Variants in RBFOX1 observed in about 807,000 individuals in gnomAD.
RBFOX1 encodes the protein RNA binding fox-1 homolog 1.
RBFOX1 carries 8 observed loss-of-function variants against 57.7 expected under a neutral mutation model. The ratio of observed to expected loss-of-function variants is 0.14; its 90% confidence interval spans 0.08 to 0.25. The LOEUF is 0.25. Among genes scored for constraint, RBFOX1 ranks in the 10% least tolerant of loss-of-function variants. RBFOX1 has a pLI of 1.00. For missense variants in RBFOX1, 611 were observed against 548.5 expected (o/e 1.11, Z -1.14); for synonymous variants, 326 against 222.4 (o/e 1.47, Z -4.15).
chr16:6,697,504 A>G (rs939750171), intron 3 of RBFOX1, among the ~76,000 whole-genome samples: 3 of 152,192 alleles, frequency 2.0e-5, no homozygotes, highest in African/African-American at 4.8e-5. Context: ...ACAGAATCTA[A>G]TATCTCCTTA....
chr16:7,438,180 G>A (rs142342895), intron 4 of RBFOX1, among the ~76,000 whole-genome samples: 4 of 152,152 alleles, frequency 2.6e-5, no homozygotes, highest in Non-Finnish European at 5.9e-5. Flanking sequence ...AATCAGAATG[G>A]TTAATGTTAA....
intron 4 of RBFOX1, among the ~76,000 whole-genome samples, chr16:7,443,637 G>A (rs1225244866): frequency 6.6e-6 from 1 of 152,100 alleles, no homozygotes; most frequent in Admixed American, 6.5e-5. Context: ...GTAAAAAAGT[G>A]CAGCGTATTT....
At chr16:5,318,048 G>A (rs941514278) in intron 1 of RBFOX1, among the ~76,000 whole-genome samples, 1 of 152,188 alleles carries the variant, frequency 6.6e-6, no homozygotes, top group African/African-American at 2.4e-5. Flanking sequence ...CAGCATGGAA[G>A]TGAAAGAGTG....
Position 7,602,929 on chromosome 16 carries a change from G to A in RBFOX1, c.623-4356G>A, listed in dbSNP as rs530346577. Among the ~76,000 whole-genome samples, 274 of 152,234 alleles carry A rather than the reference G, an allele frequency of 1.8e-3. 1 individual carries two copies. The highest frequency in any genetic ancestry group is 6.0e-3 in the African/African-American group (250 of 41,546). ...GAATAAAACTAGAAATGAATAGCAA[G>A]AGGAACTTCAGAAACTGTACAAATA... On this transcript the variant is annotated intron_variant, in intron 9 of 15. Coordinates refer to ENST00000550418, the MANE Select transcript of RBFOX1 (RefSeq NM_018723.4).
At chr16:6,930,290 A>C (rs1364263289) in intron 3 of RBFOX1, among the ~76,000 whole-genome samples, 1 of 152,226 alleles carries the variant, frequency 6.6e-6, no homozygotes, top group African/African-American at 2.4e-5. Context: ...TGTCTCCAAA[A>C]GATATATACA....
At chr16:7,542,391 C>G (rs985138963) in intron 5 of RBFOX1, among the ~76,000 whole-genome samples, 2 of 152,092 alleles carry the variant, frequency 1.3e-5, no homozygotes, top group South Asian at 4.1e-4. Flanking sequence ...TTCTGGATTA[C>G]CCGGGTCTGC....
At chr16:6,479,205 G>A (rs948630849) in intron 2 of RBFOX1, among the ~76,000 whole-genome samples, 1 of 152,176 alleles carries the variant, frequency 6.6e-6, no homozygotes, top group Admixed American at 6.5e-5. Context: ...ATAAAGAAAA[G>A]AAGTTTAATT....
intron 3 of RBFOX1, among the ~76,000 whole-genome samples, chr16:6,675,484 G>A (rs2057477529): frequency 6.6e-6 from 1 of 152,084 alleles, no homozygotes; most frequent in South Asian, 2.1e-4. Context: ...CAAAGCCCTG[G>A]GCTTGGTCAG....
chr16:5,856,185 CTCTATATA>C (rs1485744737), intron 3 of RBFOX1, among the ~76,000 whole-genome samples: 2 of 39,888 alleles, frequency 5.0e-5, no homozygotes, highest in Non-Finnish European at 8.7e-5. Context: ...CTCTCTCTCT[CTCTATATA>C]TATATATATA....
chr16:6,841,881 G>A (rs2093481467), intron 3 of RBFOX1, among the ~76,000 whole-genome samples: 1 of 152,120 alleles, frequency 6.6e-6, no homozygotes, highest in African/African-American at 2.4e-5. Context: ...GCTCACGCCT[G>A]TAATCCTAGC....
intron 3 of RBFOX1, among the ~76,000 whole-genome samples, chr16:6,936,872 T>C (rs2077453029): frequency 1.4e-5 from 2 of 147,980 alleles, no homozygotes; most frequent in South Asian, 4.3e-4. Context: ...CTCTCTGAAA[T>C]TTTTAAGATC....
At position 7,595,644 on chromosome 16, in the gene RBFOX1, G is replaced by T. The variant is rs1349266730; in HGVS notation, c.561+3G>T. 2 of 1,571,812 alleles carry T rather than the reference G, an allele frequency of 1.3e-6. No homozygotes were observed. Among genetic ancestry groups the T allele is most frequent in the Non-Finnish European group, 1.7e-6 (2 of 1,156,556 alleles). The stretch of plus-strand genomic sequence containing the variant: ...TGGTAGAGGGCCGTAAAATCGAGGT[G>T]CATGTTCAAAATATTTTCCTTTTCA... On this transcript the variant is annotated splice_donor_region_variant and intron_variant, in intron 8 of 15. Coordinates refer to ENST00000550418, the MANE Select transcript of RBFOX1 (RefSeq NM_018723.4).
chr16:7,257,437 A>T (rs1159978520), intron 4 of RBFOX1, among the ~76,000 whole-genome samples: 2 of 152,068 alleles, frequency 1.3e-5, no homozygotes, highest in African/African-American at 2.4e-5. Flanking sequence ...ACTGATTGCA[A>T]ACTGAAATAG....
chr16:5,256,072 A>G (rs2062584478), intron 1 of RBFOX1, among the ~76,000 whole-genome samples: 1 of 152,146 alleles, frequency 6.6e-6, no homozygotes, highest in African/African-American at 2.4e-5. Flanking sequence ...AGAACATACG[A>G]AAGACACATA....
intron 14 of RBFOX1, among the ~76,000 whole-genome samples, chr16:7,697,636 C>G (rs138146203): frequency 0.024 from 3,622 of 152,262 alleles, 64 homozygotes; most frequent in Non-Finnish European, 0.039. Context: ...AACATACACT[C>G]AGGTCCAGAA....
chr16:5,667,500 A>C (rs868384359), intron 3 of RBFOX1, among the ~76,000 whole-genome samples: 12 of 152,222 alleles, frequency 7.9e-5, no homozygotes, highest in South Asian at 6.2e-4. Flanking sequence ...GTAGTTTTCT[A>C]GGATTGATGT....
chr16:5,371,305 C>T (rs997783859), intron 1 of RBFOX1, among the ~76,000 whole-genome samples: 1 of 152,186 alleles, frequency 6.6e-6, no homozygotes, highest in Non-Finnish European at 1.5e-5. Flanking sequence ...GAAGGGCCCT[C>T]ATCCAATCTG....
chr16:6,927,710 G>T (rs1465605600), intron 3 of RBFOX1, among the ~76,000 whole-genome samples: 1 of 143,776 alleles, frequency 7.0e-6, no homozygotes, highest in African/African-American at 2.8e-5. Flanking sequence ...GGGCACTGTA[G>T]CAAGGCTGAT....
intron 4 of RBFOX1, among the ~76,000 whole-genome samples, chr16:7,168,569 A>C (rs1174854820): frequency 6.6e-6 from 1 of 152,152 alleles, no homozygotes; most frequent in Non-Finnish European, 1.5e-5. Flanking sequence ...CACAGAAGAA[A>C]GAAGTTAGAA....
Sources: gnomAD v4.1 joint callset for allele counts (sites outside exome capture counted in the v4.1 genomes callset) on GRCh38, gnomAD v4.1.1 for gene constraint, MANE v1.5 for transcripts, NCBI Gene and HGNC (gene_info 2026-07-23, HGNC 2026-07-21) for gene names.